CCDC187: variants seen among roughly 807,000 people sequenced by gnomAD.
The protein encoded by CCDC187 is coiled-coil domain-containing protein 187.
CCDC187 carries 32 observed loss-of-function variants against 38.0 expected under a neutral mutation model. The ratio of observed to expected loss-of-function variants is 0.84; its 90% CI spans 0.64 to 1.13. The LOEUF (loss-of-function observed/expected upper bound fraction) is 1.13. Ranked by LOEUF, CCDC187 falls within the 50% of genes most tolerant of loss-of-function variation. CCDC187 has a pLI of 0.00. For synonymous variants in CCDC187, 333 were observed against 347.9 expected (o/e 0.96, Z 0.48); for missense variants, 707 against 786.8 (o/e 0.90, Z 1.21).
chr9:136,256,628 A>G (rs1554760334), intron 23 of CCDC187, 77 bp downstream of exon 23: 2 of 152,332 alleles, frequency 1.3e-5, no homozygotes, highest in Non-Finnish European at 2.9e-5. Context: ...GGGATGGACC[A>G]GGAGACCCCT....
At chr9:136,293,383 T>TCACA (rs1394170184) in intron 4 of CCDC187, among the ~76,000 whole-genome samples, 1 of 124,276 alleles carries the variant, frequency 8.0e-6, no homozygotes, top group Admixed American at 8.0e-5. Flanking sequence ...ACACTCACAC[T>TCACA]CACATGCTCA....
At chr9:136,263,410 AT>A (rs1440750731) in intron 18 of CCDC187, among the ~76,000 whole-genome samples, 1 of 151,702 alleles carries the variant, frequency 6.6e-6, no homozygotes, top group Non-Finnish European at 1.5e-5. Context: ...AATTTTTTGT[AT>A]TTTTAGTAGA....
intron 5 of CCDC187, 84 bp downstream of exon 5, chr9:136,292,077 T>G: frequency 2.5e-6 from 1 of 398,448 alleles, no homozygotes; most frequent in Non-Finnish European, 4.4e-6. Flanking sequence ...CCAGGCGGCC[T>G]GGAGCCTGGG....
Position 136,254,913 on chromosome 9 carries a change from G to T in CCDC187, c.4915C>A (p.Leu1639Met). ...LWEFQKAAAT[L>M]IQLSGSSSSL... The stretch of plus-strand genomic sequence containing the variant: ...CTGGAGCTCCCAGAAAGCTGGATCA[G>T]GGTAGCCGCTGCTTTCTGGAACTCC... The change falls in exon 26 of 26, where the codon CTG becomes ATG. Residue 1639 changes from leucine to methionine, a missense_variant. Transcript: ENST00000638797. 1.0e-6 allele frequency: 1 copy of T among 985,518 alleles called. No homozygotes were observed. Among genetic ancestry groups the T allele is most frequent in the Non-Finnish European group, 1.2e-6 (1 of 829,970 alleles). 61.0% of individuals were successfully genotyped at this position (985,518 alleles called of 1,614,324 possible).
Position 136,290,834 on chromosome 9 carries a change from G to A in CCDC187, c.1779C>T (p.Pro593=), listed in dbSNP as rs991978685. 61 of 398,570 alleles carry A rather than the reference G, an allele frequency of 1.5e-4. No individual in the cohort carries two copies. Among genetic ancestry groups the A allele is most frequent in the Admixed American group, 2.6e-4 (6 of 22,744 alleles). 24.7% of individuals were successfully genotyped at this position (398,570 alleles called of 1,614,324 possible). Reference sequence around the variant, plus strand: ...GCAGGGCATGCTTGGCAGCCGAGACGGGGGAGCCGATGCCTCTGCCCTTGC... The same window carrying A: ...GCAGGGCATGCTTGGCAGCCGAGACAGGGGAGCCGATGCCTCTGCCCTTGC... ...PQGKGRGIGS[P]VSAAKHALPR... is the part of the protein sequence containing the mutation. Residue 593 remains proline (P), a synonymous_variant, in exon 6 of 26, where the codon CCC becomes CCT. Transcript: ENST00000638797.
At chr9:136,295,192 C>T (rs1831505627) in intron 4 of CCDC187, among the ~76,000 whole-genome samples, 1 of 152,170 alleles carries the variant, frequency 6.6e-6, no homozygotes, top group Non-Finnish European at 1.5e-5. Context: ...TGGAGGGGAG[C>T]CCCGGTGGGG....
At chr9:136,287,145 G>A (rs1831201250) in intron 7 of CCDC187, among the ~76,000 whole-genome samples, 1 of 152,224 alleles carries the variant, frequency 6.6e-6, no homozygotes, top group African/African-American at 2.4e-5. Flanking sequence ...GAAGCAAAAT[G>A]AGGTCCACCG....
chr9:136,284,979 G>A (rs1831139640), intron 9 of CCDC187, among the ~76,000 whole-genome samples: 1 of 152,110 alleles, frequency 6.6e-6, no homozygotes, highest in African/African-American at 2.4e-5. Context: ...GCTCCCCCAG[G>A]GGGAGGGAGT....
At chr9:136,268,235 G>C (rs1830782458) in intron 14 of CCDC187, 110 bp from the exon 15 acceptor site, 1 of 610,804 alleles carries the variant, frequency 1.6e-6, no homozygotes, top group Non-Finnish European at 2.1e-6. Flanking sequence ...GGGCAGTTTA[G>C]TGTCCCCATC....
At chr9:136,270,146 G>A (rs528050965) in intron 14 of CCDC187, among the ~76,000 whole-genome samples, 17 of 152,362 alleles carry the variant, frequency 1.1e-4, no homozygotes, top group East Asian at 3.9e-4. Context: ...CAGCCCTACG[G>A]GGCTTAGCAG....
intron 10 of CCDC187, among the ~76,000 whole-genome samples, chr9:136,278,382 G>T (rs1830974098): frequency 1.3e-5 from 2 of 152,292 alleles, no homozygotes; most frequent in Non-Finnish European, 1.5e-5. Flanking sequence ...TGAGCTGTTT[G>T]TTCCTGAGCT....
chr9:136,297,450 C>T (rs1050675711), intron 4 of CCDC187, among the ~76,000 whole-genome samples: 1 of 152,170 alleles, frequency 6.6e-6, no homozygotes, highest in Non-Finnish European at 1.5e-5. Flanking sequence ...GGTGGACTTT[C>T]ACTTTGTCTC....
intron 17 of CCDC187, 79 bp from the exon 18 acceptor site, chr9:136,263,877 C>T: frequency 2.1e-6 from 2 of 941,624 alleles, no homozygotes; most frequent in Non-Finnish European, 2.5e-6. Context: ...GAAGGGGTGT[C>T]TGGGGGGATG....
intron 19 of CCDC187, among the ~76,000 whole-genome samples, chr9:136,261,601 T>C (rs781955708): frequency 6.6e-6 from 1 of 152,230 alleles, no homozygotes; most frequent in Non-Finnish European, 1.5e-5. Context: ...GACAGATCAG[T>C]CTGTGCCCAG....
At position 136,258,625 on chromosome 9, in the gene CCDC187, C is replaced by A. The variant is rs116908483; in HGVS notation, c.4366+307G>T. 3.7e-4 allele frequency: 311 copies of A among 837,344 alleles called. 6 individuals carry two copies. The East Asian group carries it at 0.025, about 68-fold the overall frequency. 51.9% of individuals were successfully genotyped at this position (837,344 alleles called of 1,614,324 possible). On this transcript the variant is annotated intron_variant, in intron 22 of 25. Coordinates refer to ENST00000638797, the MANE Select transcript of CCDC187 (RefSeq NM_001378188.1). This position sits in a 1 kb window ranked among gnomAD's most constrained non-coding sequence, Gnocchi z 4.3. ...CCTCCGTCAGCTGAAGACGCTCAGGCAGTGCTGGCTTCCAAACACTTAAAA... is the reference window on the plus strand; with the variant it reads ...CCTCCGTCAGCTGAAGACGCTCAGGAAGTGCTGGCTTCCAAACACTTAAAA...
chr9:136,250,406 C>T lies in CCDC187; in HGVS notation c.*3188G>A, dbSNP rs111436422. Reference sequence around the variant, plus strand: ...CACGTCAGCACCAACCACGTGGCAGCGAGCCTGGGAGCCATCAGATTCGCT... The same window carrying T: ...CACGTCAGCACCAACCACGTGGCAGTGAGCCTGGGAGCCATCAGATTCGCT... On this transcript the variant is annotated 3_prime_UTR_variant, in exon 26 of 26. Transcript: ENST00000638797. 635 of 284,148 alleles carry T rather than the reference C, an allele frequency of 2.2e-3. 2 individuals are homozygous for T. The highest frequency in any genetic ancestry group is 3.4e-3 in the African/African-American group (153 of 45,122). 17.6% of individuals were successfully genotyped at this position (284,148 alleles called of 1,614,324 possible).
chr9:136,280,626 A>G (rs1831020454), intron 10 of CCDC187, among the ~76,000 whole-genome samples: 1 of 152,034 alleles, frequency 6.6e-6, no homozygotes, highest in Admixed American at 6.5e-5. Context: ...GTTGGGGAGG[A>G]CCCGATGAGC....
chr9:136,255,531 G>T, intron 25 of CCDC187, 126 bp downstream of exon 25: 1 of 288,634 alleles, frequency 3.5e-6, no homozygotes, highest in South Asian at 1.3e-4. Context: ...GAGCCCCCCA[G>T]CTAGGCAGTG....
intron 7 of CCDC187, among the ~76,000 whole-genome samples, chr9:136,289,002 G>A (rs1233142792): frequency 4.6e-5 from 7 of 152,200 alleles, no homozygotes; most frequent in East Asian, 1.9e-4. Flanking sequence ...TCACGGCAGC[G>A]GCAGGTGGAG....
Sources: allele counts gnomAD v4.1 joint callset (sites outside exome capture counted in the v4.1 genomes callset), GRCh38; gene constraint gnomAD v4.1.1; non-coding constraint Gnocchi (gnomAD v3.1); transcripts MANE v1.5; gene names NCBI Gene and HGNC (gene_info 2026-07-23, HGNC 2026-07-21).